Variants in NEMF observed in about 807,000 individuals in gnomAD.
NEMF encodes the protein ribosome quality control complex subunit NEMF.
NEMF carries 89 observed loss-of-function variants against 162.2 expected under a neutral mutation model. That is an observed-to-expected ratio of 0.55 (90% CI 0.46 to 0.65). NEMF has a LOEUF of 0.65. Ranked by LOEUF, NEMF falls within the 30% of genes least tolerant of loss-of-function variation. The probability of loss-of-function intolerance (pLI) is 0.00; values close to 1 mark genes in which losing one functional copy is unlikely to be tolerated. For synonymous variants in NEMF, 421 were observed against 404.5 expected, an observed-to-expected ratio of 1.04 and a Z score of -0.49; for missense variants, 1,133 against 1,261.9, an observed-to-expected ratio of 0.90 and a Z score of 1.55.
At chr14:49,845,089 G>C (rs1594808588) in intron 4 of NEMF, among the ~76,000 whole-genome samples, 1 of 150,176 alleles carries the variant, frequency 6.7e-6, no homozygotes, top group African/African-American at 2.4e-5. Context: ...TAGTTAGTTA[G>C]TTAGTTAGTT....
intron 26 of NEMF, among the ~76,000 whole-genome samples, chr14:49,791,225 C>A (rs1354437773): frequency 6.6e-6 from 1 of 151,992 alleles, no homozygotes; most frequent in Non-Finnish European, 1.5e-5. Context: ...GTGCCAGCTA[C>A]TCAGGAGGCT....
At chr14:49,808,310 T>C (rs1049497128) in intron 18 of NEMF, among the ~76,000 whole-genome samples, 1 of 152,042 alleles carries the variant, frequency 6.6e-6, no homozygotes, top group African/African-American at 2.4e-5. Context: ...GTAGCTTGGA[T>C]TACAGGCACC....
At position 49,789,557 on chromosome 14, in the gene NEMF, A is replaced by G. The variant is rs773450836; in HGVS notation, c.2636T>C (p.Met879Thr). Residue 879 changes from methionine to threonine, a missense_variant, in exon 27 of 33, where the codon ATG (methionine) becomes ACG (threonine). By Grantham distance (81) the Met-to-Thr change is moderately conservative. This residue lies in a region of NEMF where 532 missense variants were observed against 578.6 expected (regional missense o/e 0.92). Transcript: ENST00000298310. ...ATCCTGGTCTTTGTATTTTTCTTTC[A>G]TTTTTTTCATTTTACTCTACAAAAT... ...KRGQKSKMKKMKEKYKDQDEE... is the reference protein window; with the variant it reads ...KRGQKSKMKKTKEKYKDQDEE... 4 of 1,609,564 alleles carry G rather than the reference A, an allele frequency of 2.5e-6. No individual in the cohort carries two copies. Among genetic ancestry groups the G allele is most frequent in the African/African-American group, 1.3e-5 (1 of 74,582 alleles).
At chr14:49,837,829 A>AC (rs1892981627) in intron 6 of NEMF, among the ~76,000 whole-genome samples, 1 of 151,854 alleles carries the variant, frequency 6.6e-6, no homozygotes, top group African/African-American at 2.4e-5. Context: ...AAAAAAAAAA[A>AC]AAAACCAAAA....
intron 10 of NEMF, 27 bp from the exon 11 acceptor site, chr14:49,831,388 G>T: frequency 7.1e-7 from 1 of 1,398,764 alleles, no homozygotes; most frequent in Non-Finnish European, 1.0e-6. Context: ...ACAACTAGTT[G>T]GAAAAAAAAG....
At chr14:49,832,740 G>C (rs1389344675) in intron 8 of NEMF, among the ~76,000 whole-genome samples, 3 of 152,112 alleles carry the variant, frequency 2.0e-5, no homozygotes, top group Non-Finnish European at 4.4e-5. Context: ...GAAAAGGGAA[G>C]AAAAACACTC....
intron 16 of NEMF, among the ~76,000 whole-genome samples, chr14:49,820,790 G>A (rs28561695): frequency 5.3e-4 from 80 of 152,078 alleles, no homozygotes; most frequent in African/African-American, 1.8e-3. Flanking sequence ...ACTGGTTTTC[G>A]TATTTTTTTG....
intron 25 of NEMF, among the ~76,000 whole-genome samples, chr14:49,798,935 C>T (rs1392254747): frequency 4.0e-5 from 6 of 151,308 alleles, no homozygotes; most frequent in Non-Finnish European, 5.9e-5. Flanking sequence ...AAGTGAAGGC[C>T]GGGCACAATG....
In NEMF at chr14:49,786,753, G is replaced by A. The variant is rs1890197964; in HGVS notation, c.2896-3C>T. On this transcript the variant is annotated splice_region_variant and splice_polypyrimidine_tract_variant and intron_variant, in intron 28 of 32. Transcript: ENST00000298310. The stretch of plus-strand genomic sequence containing the variant: ...TGTTGATCCAGATCTTGCTCTTCCT[G>A]TTCCGAACATATAAAAATAAAAATG... 1 of 1,612,072 alleles carries A rather than the reference G, an allele frequency of 6.2e-7. No individual in the cohort carries two copies. The highest frequency in any genetic ancestry group is 8.5e-7 in the Non-Finnish European group (1 of 1,178,718).
At chr14:49,829,655 A>G (rs1892542213) in intron 11 of NEMF, among the ~76,000 whole-genome samples, 1 of 152,208 alleles carries the variant, frequency 6.6e-6, no homozygotes, top group Admixed American at 6.5e-5. Flanking sequence ...AGGTATTTTG[A>G]TTACAGGTTA....
intron 16 of NEMF, among the ~76,000 whole-genome samples, chr14:49,821,852 T>C (rs1033421502): frequency 1.3e-5 from 2 of 151,418 alleles, no homozygotes; most frequent in Non-Finnish European, 2.9e-5. Context: ...ACAATGGCGG[T>C]TTTGTGGAAT....
chr14:49,816,140 T>G (rs1158551179), intron 16 of NEMF, among the ~76,000 whole-genome samples: 2 of 152,186 alleles, frequency 1.3e-5, no homozygotes, highest in African/African-American at 4.8e-5. Flanking sequence ...TTCTCTTTTT[T>G]GTTGCGGGAA....
At chr14:49,831,246 C>T (rs911913418) in intron 11 of NEMF, 53 bp downstream of exon 11, 1 of 953,036 alleles carries the variant, frequency 1.0e-6, no homozygotes, top group Non-Finnish European at 1.7e-6. Context: ...ATCATCTACC[C>T]ATCAAGCCGC....
chr14:49,850,262 C>T (rs566929959), intron 3 of NEMF, among the ~76,000 whole-genome samples: 43 of 152,120 alleles, frequency 2.8e-4, no homozygotes, highest in Non-Finnish European at 5.6e-4. Context: ...GCCACCACGC[C>T]TGGCTAGTAG....
At chr14:49,831,475 T>TC in intron 10 of NEMF, 114 bp from the exon 11 acceptor site, 2 of 686,730 alleles carry the variant, frequency 2.9e-6, no homozygotes, top group Non-Finnish European at 5.0e-6. Flanking sequence ...TCTCACTCTG[T>TC]TGCCCAGGCG....
intron 4 of NEMF, 56 bp from the exon 5 acceptor site, chr14:49,840,922 C>G: frequency 1.4e-6 from 2 of 1,481,016 alleles, no homozygotes; most frequent in Non-Finnish European, 1.8e-6. Flanking sequence ...TGAGGCCAGG[C>G]ACAGTGGCTC....
At position 49,814,013 on chromosome 14, in the gene NEMF, A is replaced by G. The variant is rs776947101; in HGVS notation, c.1719T>C (p.Thr573=). The part of the protein sequence containing the change: ...IYVHADLHGA[T]SCVIKNPTGE... ...CTGTTGGATTCTTAATTACACAGCT[A>G]GTAGCTCCATGAAGATCAGCATGTA... The change falls in exon 18 of 33, where the codon ACT becomes ACC. Residue 573 remains threonine, a synonymous_variant. Transcript: ENST00000298310. 4 of 1,547,366 alleles carry G rather than the reference A, an allele frequency of 2.6e-6. No homozygotes were observed. In the South Asian group the frequency reaches 4.5e-5, roughly 17 times the overall value.
At position 49,852,721 on chromosome 14, in the gene NEMF, G is replaced by A. The variant is rs151210174; in HGVS notation, c.33C>T (p.Arg11=). ...TAGCATTCAGCTCCGCGAGTACGGC[G>A]CGGAGGTCAATGGTGCTAAAGCGGC... MKSRFSTIDL[R]AVLAELNASL... is the part of the protein sequence containing the mutation. Residue 11 remains arginine (R), a synonymous_variant, in exon 1 of 33, where the codon CGC becomes CGT. Transcript: ENST00000298310. 774 of 1,614,238 alleles carry A rather than the reference G, an allele frequency of 4.8e-4. 2 individuals carry two copies. Among genetic ancestry groups the A allele is most frequent in the South Asian group, 3.5e-3 (319 of 91,088 alleles).
chr14:49,807,608 T>G (rs1891279527), intron 18 of NEMF, among the ~76,000 whole-genome samples: 1 of 151,304 alleles, frequency 6.6e-6, no homozygotes, highest in Admixed American at 6.6e-5. Flanking sequence ...TTTTTTTTTT[T>G]TTTTTGAGAC....
Sources: gnomAD v4.1 joint callset for allele counts (sites outside exome capture counted in the v4.1 genomes callset) on GRCh38, gnomAD v4.1.1 for gene constraint, gnomAD v4.1.1 regional missense constraint, MANE v1.5 for transcripts, NCBI Gene and HGNC (gene_info 2026-07-23, HGNC 2026-07-21) for gene names.